ZFAT: variants seen among roughly 807,000 people sequenced by gnomAD.
ZFAT encodes zinc finger and AT-hook domain containing.
ZFAT carries 64 observed loss-of-function variants against 117.7 expected under a neutral mutation model. That is an observed-to-expected ratio of 0.54 (90% CI 0.44 to 0.67). ZFAT has a LOEUF of 0.67. ZFAT is among the 30% of genes least tolerant of loss of function. ZFAT has a pLI of 0.00. For missense variants in ZFAT, 1,433 were observed against 1,584.5 expected, an observed-to-expected ratio of 0.90 and a Z score of 1.62; for synonymous variants, 679 against 615.0, an observed-to-expected ratio of 1.10 and a Z score of -1.54.
intron 11 of ZFAT, among the ~76,000 whole-genome samples, chr8:134,555,161 A>G (rs1316130554): frequency 6.6e-6 from 1 of 152,086 alleles, no homozygotes; most frequent in Non-Finnish European, 1.5e-5. Context: ...CTCCAAGTGG[A>G]GCCACACAGC....
At chr8:134,599,719 C>T in intron 7 of ZFAT, 1 of 450,790 alleles carries the variant, frequency 2.2e-6, no homozygotes, top group Admixed American at 2.4e-5. Context: ...TCAATTAAAA[C>T]AGAACCACAC....
intron 1 of ZFAT, among the ~76,000 whole-genome samples, chr8:134,711,183 G>C (rs1027908764): frequency 2.0e-5 from 3 of 152,162 alleles, no homozygotes; most frequent in African/African-American, 7.2e-5. Context: ...TGCCCAGGCT[G>C]GTCTTGAACT....
At chr8:134,614,749 T>C (rs940789909) in intron 3 of ZFAT, among the ~76,000 whole-genome samples, 1 of 152,038 alleles carries the variant, frequency 6.6e-6, no homozygotes, top group Non-Finnish European at 1.5e-5. Flanking sequence ...CTTGCAACAG[T>C]TAGAGCTGTC....
chr8:134,737,307 T>A, the ZFAT span, among the ~76,000 whole-genome samples: 1,254 of 119,552 alleles, frequency 0.01, 12 homozygotes, highest in South Asian at 0.028. Context: ...AAAATAAAAA[T>A]AAAAAAATAA....
rs551297050 is a variant in ZFAT, at chr8:134,522,608, G to A, written c.3116-1607C>T. On this transcript the variant is annotated intron_variant, in intron 12 of 15. Coordinates refer to ENST00000377838, the MANE Select transcript of ZFAT (RefSeq NM_020863.4). ...AAAACTTACAACTTTTATTGGCAAAGCCCTCCACGTCCTCAGCTACTTCTC... is the reference window on the plus strand; with the variant it reads ...AAAACTTACAACTTTTATTGGCAAAACCCTCCACGTCCTCAGCTACTTCTC... Among the ~76,000 whole-genome samples the A allele has an allele frequency of 3.3e-5, 5 of 152,222 alleles. No individual in the cohort carries two copies. In the East Asian group the frequency reaches 9.6e-4, roughly 29 times the overall value.
chr8:134,703,303 G>C (rs1834063619), intron 1 of ZFAT, among the ~76,000 whole-genome samples: 1 of 152,182 alleles, frequency 6.6e-6, no homozygotes, highest in Admixed American at 6.5e-5. Flanking sequence ...ACATTCTTCT[G>C]TTAAAGTATC....
chr8:134,611,651 C>T lies in ZFAT; in HGVS notation c.449-996G>A, dbSNP rs1158400135. 2.0e-5 allele frequency among the ~76,000 whole-genome samples: 3 copies of T among 152,196 alleles called. No individual in the cohort carries two copies. In the East Asian group the frequency reaches 5.8e-4, roughly 29 times the overall value. Reference sequence around the variant, plus strand: ...GCCTGCTGGGTCTTCTGATGGCTCACAGAGAGACTGGAAATCGAGATTTAC... The same window carrying T: ...GCCTGCTGGGTCTTCTGATGGCTCATAGAGAGACTGGAAATCGAGATTTAC... On this transcript the variant is annotated intron_variant, in intron 3 of 15. Transcript: ENST00000377838.
chr8:134,511,879 T>A (rs1819873885), intron 14 of ZFAT, among the ~76,000 whole-genome samples: 1 of 152,156 alleles, frequency 6.6e-6, no homozygotes, highest in African/African-American at 2.4e-5. Context: ...GAATGAGCGA[T>A]CCTGGTCTTT....
At chr8:134,708,029 C>T (rs1813851541) in intron 1 of ZFAT, among the ~76,000 whole-genome samples, 1 of 152,096 alleles carries the variant, frequency 6.6e-6, no homozygotes, top group African/African-American at 2.4e-5. Flanking sequence ...GAAATGTTGT[C>T]GTTTGTGACA....
intron 11 of ZFAT, among the ~76,000 whole-genome samples, chr8:134,556,683 T>C (rs188363562): frequency 2.0e-5 from 3 of 152,264 alleles, no homozygotes; most frequent in Admixed American, 1.3e-4. Context: ...TAGAAGTCTA[T>C]GGCTATCAAA....
the ZFAT span, among the ~76,000 whole-genome samples, chr8:134,744,294 A>AGTT: frequency 1.2e-4 from 16 of 129,896 alleles, no homozygotes; most frequent in African/African-American, 4.9e-4. Context: ...AGAGGCTAAG[A>AGTT]GTTTTTTTTT....
At chr8:134,597,252 T>C (rs563283491) in intron 7 of ZFAT, among the ~76,000 whole-genome samples, 2 of 152,262 alleles carry the variant, frequency 1.3e-5, no homozygotes, top group African/African-American at 4.8e-5. Flanking sequence ...CAAAAATAAT[T>C]TGCAGGCTCA....
At chr8:134,632,594 T>A (rs1264368798) in intron 3 of ZFAT, among the ~76,000 whole-genome samples, 4 of 152,112 alleles carry the variant, frequency 2.6e-5, no homozygotes, top group Non-Finnish European at 5.9e-5. Context: ...TTTTTTAAAT[T>A]GGAGGGGATA....
At chr8:134,657,361 TCATTC>T (rs1831669322) in intron 2 of ZFAT, among the ~76,000 whole-genome samples, 195 bp downstream of exon 2, 1 of 152,214 alleles carries the variant, frequency 6.6e-6, no homozygotes, top group Non-Finnish European at 1.5e-5. Context: ...ATTCTTTCAT[TCATTC>T]ATTTGCCAAC....
chr8:134,789,198 C>A, the ZFAT span, among the ~76,000 whole-genome samples: 1 of 152,144 alleles, frequency 6.6e-6, no homozygotes, highest in East Asian at 1.9e-4. Flanking sequence ...TTACAACATG[C>A]ACCCTTGTCT....
At chr8:134,526,021 C>T (rs1820999740) in intron 12 of ZFAT, among the ~76,000 whole-genome samples, 1 of 152,206 alleles carries the variant, frequency 6.6e-6, no homozygotes, top group African/African-American at 2.4e-5. Flanking sequence ...TAAAAACCTC[C>T]AAGTTATGAA....
the ZFAT span, among the ~76,000 whole-genome samples, chr8:134,780,264 G>C: frequency 6.6e-6 from 1 of 152,302 alleles, no homozygotes; most frequent in Admixed American, 6.5e-5. Context: ...CCAAATGGTT[G>C]CTAGAGGCAA....
At chr8:134,566,528 C>T (rs1032377718) in intron 10 of ZFAT, among the ~76,000 whole-genome samples, 4 of 151,994 alleles carry the variant, frequency 2.6e-5, no homozygotes, top group African/African-American at 9.7e-5. Flanking sequence ...CCTCAACAAG[C>T]AATAACACAA....
chr8:134,608,720 A>C lies in ZFAT; in HGVS notation c.785+9T>G. 6.2e-7 allele frequency: 1 copy of C among 1,608,876 alleles called. No homozygotes were observed. The highest frequency in any genetic ancestry group is 8.5e-7 in the Non-Finnish European group (1 of 1,178,028). On this transcript the variant is annotated intron_variant, in intron 5 of 15. Transcript: ENST00000377838. ...TCTGGCTGAAGTTACACAGAACAAA[A>C]CACTTTACCTGCTTGACTTCATTGG...
Sources: gnomAD v4.1 joint callset for allele counts (sites outside exome capture counted in the v4.1 genomes callset) on GRCh38, gnomAD v4.1.1 for gene constraint, MANE v1.5 for transcripts, NCBI Gene and HGNC (gene_info 2026-07-23, HGNC 2026-07-21) for gene names.